Variants in RRAGC observed in about 807,000 individuals in gnomAD.
RRAGC encodes ras-related GTP-binding protein C.
In RRAGC, 8 loss-of-function variants were observed where a neutral mutation model predicts 37.1. The ratio of observed to expected loss-of-function variants is 0.22; its 90% CI spans 0.13 to 0.39. The LOEUF (loss-of-function observed/expected upper bound fraction) is 0.39. Among genes scored for constraint, RRAGC ranks in the 10% least tolerant of loss-of-function variants. The pLI is 1.00. For missense variants in RRAGC, 342 were observed against 497.6 expected, an observed-to-expected ratio of 0.69 and a Z score of 2.98; for synonymous variants, 190 against 181.1, an observed-to-expected ratio of 1.05 and a Z score of -0.39.
chr1:38,842,086 C>A (rs973069105), intron 6 of RRAGC, among the ~76,000 whole-genome samples: 2 of 152,164 alleles, frequency 1.3e-5, no homozygotes, highest in Admixed American at 1.3e-4. Context: ...TCCTGGCTAA[C>A]ACAGTGAAAC....
In RRAGC at chr1:38,839,567, G is replaced by A. The variant is rs748679583; in HGVS notation, c.1186C>T (p.Arg396Ter). ...LKALTHNGTPRNAI is the reference protein window; with the variant it reads ...LKALTHNGTP ...TGGGATTCAGACTAGATGGCGTTTC[G>A]TGGCGTGCCATTGTGTGTCAGCGCT... The change falls in exon 7 of 7, where the codon CGA becomes TGA. Residue 396 changes from arginine (R) to a stop codon, truncating the protein, a stop_gained. Coordinates refer to ENST00000373001, the MANE Select transcript of RRAGC (RefSeq NM_022157.4). LOFTEE classifies it high-confidence loss of function. The A allele has an allele frequency of 9.9e-6, 16 of 1,613,952 alleles. No individual in the cohort carries two copies. The highest frequency in any genetic ancestry group is 6.7e-5 in the East Asian group (3 of 44,884).
chr1:38,843,864 A>G (rs1641995767), intron 6 of RRAGC, among the ~76,000 whole-genome samples: 1 of 152,136 alleles, frequency 6.6e-6, no homozygotes, highest in African/African-American at 2.4e-5. Flanking sequence ...CACATACTAC[A>G]CCCTCCACAT....
At position 38,838,848 on chromosome 1, in the gene RRAGC, G is replaced by A. The variant is rs895979873; in HGVS notation, c.*705C>T. On this transcript the variant is annotated 3_prime_UTR_variant, in exon 7 of 7. Transcript: ENST00000373001. The stretch of plus-strand genomic sequence containing the variant: ...TGAGCATGATCATTTATCTAATGCA[G>A]AAGAAAGAACCCAGACATCTGGTAC... The A allele has an allele frequency of 5.3e-5, 8 of 152,164 alleles. No homozygotes were observed. The highest frequency in any genetic ancestry group is 1.9e-4 in the African/African-American group (8 of 41,440). The allele number at this position is 152,164 out of a possible 1,614,324, so 9.4% of individuals were successfully genotyped here.
intron 1 of RRAGC, among the ~76,000 whole-genome samples, chr1:38,859,141 G>T (rs1925680): frequency 0.022 from 3,423 of 152,384 alleles, 53 homozygotes; most frequent in Non-Finnish European, 0.033. Context: ...GGGTCCCAGG[G>T]GGCGGAGGTC....
intron 6 of RRAGC, among the ~76,000 whole-genome samples, chr1:38,843,318 T>TAAAA (rs68183214): frequency 7.0e-6 from 1 of 143,792 alleles, no homozygotes. Flanking sequence ...TTCTGTCTCT[T>TAAAA]AAAAAAAAAA....
At chr1:38,847,745 G>A (rs1284464989) in intron 5 of RRAGC, 1 of 152,036 alleles carries the variant, frequency 6.6e-6, no homozygotes, top group Non-Finnish European at 1.5e-5. Flanking sequence ...AGAGGACTAT[G>A]CCCATTGAAA....
In RRAGC at chr1:38,848,653, T is replaced by C. The variant is rs549468671; in HGVS notation, c.900-2566A>G. ...TACATTTATCTGTTTTAACAGTTTT[T>C]AAGACTATTAGGAAAATATGCTAAT... On this transcript the variant is annotated intron_variant, in intron 5 of 6. Transcript: ENST00000373001. Among the ~76,000 whole-genome samples the C allele has an allele frequency of 3.3e-5, 5 of 152,332 alleles. No individual in the cohort carries two copies. In the South Asian group the frequency reaches 1.0e-3, roughly 32 times the overall value.
At position 38,856,940 on chromosome 1, in the gene RRAGC, G is replaced by T; in HGVS notation, c.380C>A (p.Thr127Asn). 2 of 1,614,104 alleles carry T rather than the reference G, an allele frequency of 1.2e-6. No homozygotes were observed. The highest frequency in any genetic ancestry group is 1.7e-6 in the Non-Finnish European group (2 of 1,180,014). The change falls in exon 2 of 7, where the codon ACC (threonine) becomes AAC (asparagine). Residue 127 changes from threonine (T) to asparagine (N), a missense_variant. Coordinates refer to ENST00000373001, the MANE Select transcript of RRAGC (RefSeq NM_022157.4). ...CCTGAAGATCATCTCATAGTCAAAG[G>T]TTGGGTCAAAAAAGTCCATTTGCCC... Reference protein sequence around the residue: ...FPGQMDFFDPTFDYEMIFRGT... With the variant: ...FPGQMDFFDPNFDYEMIFRGT...
At position 38,846,051 on chromosome 1, in the gene RRAGC, T is replaced by C; in HGVS notation, c.936A>G (p.Lys312=). 1 of 1,611,384 alleles carries C rather than the reference T, an allele frequency of 6.2e-7. No homozygotes were observed. The highest frequency in any genetic ancestry group is 8.5e-7 in the Non-Finnish European group (1 of 1,178,408). Residue 312 remains lysine (K), a synonymous_variant, in exon 6 of 7, where the codon AAA becomes AAG. Transcript: ENST00000373001. ...TCAGCTTGATAATTGCCATAGATTC[T>C]TTGTCATAAGCACTTCCACTTCCAT... The part of the protein sequence containing the change: ...KEDGSGSAYD[K]ESMAIIKLNN...
At chr1:38,848,170 T>C (rs373956958) in intron 5 of RRAGC, 21 of 152,310 alleles carry the variant, frequency 1.4e-4, no homozygotes, top group African/African-American at 4.8e-4. Flanking sequence ...TAAAGTTAAT[T>C]TGGGACGGCA....
At chr1:38,841,190 A>G (rs761075372) in intron 6 of RRAGC, among the ~76,000 whole-genome samples, 1 of 152,108 alleles carries the variant, frequency 6.6e-6, no homozygotes, top group Admixed American at 6.5e-5. Flanking sequence ...ACTTTTTTAT[A>G]TATTTGACAG....
At chr1:38,854,853 G>T (rs1378818755) in intron 3 of RRAGC, among the ~76,000 whole-genome samples, 2 of 152,158 alleles carry the variant, frequency 1.3e-5, no homozygotes, top group African/African-American at 4.8e-5. Flanking sequence ...CGGGGACAGA[G>T]AAATAACTTG....
At chr1:38,853,747 C>CAA (rs568264211) in intron 3 of RRAGC, among the ~76,000 whole-genome samples, 5 of 97,172 alleles carry the variant, frequency 5.1e-5, no homozygotes, top group Non-Finnish European at 2.1e-5. Flanking sequence ...AACTCCATCT[C>CAA]AAAAAAAAAA....
At chr1:38,842,810 C>T (rs945802989) in intron 6 of RRAGC, among the ~76,000 whole-genome samples, 2 of 152,166 alleles carry the variant, frequency 1.3e-5, no homozygotes, top group Non-Finnish European at 2.9e-5. Flanking sequence ...CTGTAGAATA[C>T]TATATGGCAG....
chr1:38,857,370 T>G (rs934230172), intron 1 of RRAGC, among the ~76,000 whole-genome samples: 2 of 152,226 alleles, frequency 1.3e-5, no homozygotes, highest in Non-Finnish European at 2.9e-5. Context: ...CCATTAGTTT[T>G]TCTGGGGGAA....
chr1:38,856,071 T>C (rs1642163721), intron 2 of RRAGC, among the ~76,000 whole-genome samples, 164 bp from the exon 3 acceptor site: 1 of 152,206 alleles, frequency 6.6e-6, no homozygotes, highest in Non-Finnish European at 1.5e-5. Context: ...ACTCTTCAAT[T>C]GTCTCAAGAT....
rs1642215611 is a variant in RRAGC at position 38,859,709 on chromosome 1, C to A, written c.-63G>T. ...AGGCCAGGCCGAGCCAGGCCGCCGC[C>A]TCCCCAGTCCGCCTCCGCCGCCGCC... On this transcript the variant is annotated 5_prime_UTR_variant, in exon 1 of 7. It adds an upstream start codon to the 5' untranslated region. Coordinates refer to ENST00000373001, the MANE Select transcript of RRAGC (RefSeq NM_022157.4). 7.9e-7 allele frequency: 1 copy of A among 1,260,312 alleles called. No homozygotes were observed. The highest frequency in any genetic ancestry group is 1.0e-6 in the Non-Finnish European group (1 of 998,932). The allele number at this position is 1,260,312 out of a possible 1,614,324, so 78.1% of individuals were successfully genotyped here. A position where few individuals can be genotyped will look rare whatever the true frequency, so the allele number is the denominator to read the frequency against.
intron 3 of RRAGC, among the ~76,000 whole-genome samples, chr1:38,854,169 G>C (rs1023408623): frequency 6.7e-6 from 1 of 149,204 alleles, no homozygotes; most frequent in African/African-American, 2.5e-5. Context: ...CTGGGTTCAA[G>C]CGATTCTCCT....
At chr1:38,844,948 T>A (rs1272870063) in intron 6 of RRAGC, among the ~76,000 whole-genome samples, 2 of 152,174 alleles carry the variant, frequency 1.3e-5, no homozygotes, top group Non-Finnish European at 2.9e-5. Context: ...CCAGTTAGGA[T>A]GGCGATTATT....
Sources: allele counts gnomAD v4.1 joint callset (sites outside exome capture counted in the v4.1 genomes callset), GRCh38; gene constraint gnomAD v4.1.1; transcripts MANE v1.5; gene names NCBI Gene and HGNC (gene_info 2026-07-23, HGNC 2026-07-21).